ANO2: variants seen among roughly 807,000 people sequenced by gnomAD.
ANO2 encodes the protein anoctamin 2, also known as anoctamin-2.
In ANO2, 101 loss-of-function variants were observed where a neutral mutation model predicts 124.2. The ratio of observed to expected loss-of-function variants is 0.81; its 90% CI spans 0.69 to 0.96. ANO2 has a LOEUF of 0.96. Among genes scored for constraint, ANO2 ranks in the 40% least tolerant of loss-of-function variants. The probability of loss-of-function intolerance (pLI) is 0.00; values close to 1 mark genes in which losing one functional copy is unlikely to be tolerated. For missense variants in ANO2, 1,293 were observed against 1,274.5 expected (o/e 1.01, Z -0.22); for synonymous variants, 486 against 482.5 (o/e 1.01, Z -0.09).
chr12:5,604,439 G>C (rs1290751352), intron 19 of ANO2, among the ~76,000 whole-genome samples: 5 of 152,204 alleles, frequency 3.3e-5, no homozygotes, highest in African/African-American at 1.2e-4. Flanking sequence ...CGTGGAAAGA[G>C]CGGCGGAAGC....
chr12:5,794,522 C>A (rs527292398), intron 10 of ANO2, among the ~76,000 whole-genome samples: 1 of 152,344 alleles, frequency 6.6e-6, no homozygotes, highest in East Asian at 1.9e-4. Flanking sequence ...ACTCTTTCAC[C>A]TCAGTCGTCC....
chr12:5,627,423 C>T (rs11063781), intron 16 of ANO2, among the ~76,000 whole-genome samples: 70,342 of 152,010 alleles, frequency 0.46, 16,918 homozygotes, highest in Admixed American at 0.53. Context: ...GTGGCGTCCC[C>T]GCAGAGAGGC....
intron 16 of ANO2, among the ~76,000 whole-genome samples, chr12:5,617,513 C>T (rs1944885908): frequency 6.8e-6 from 1 of 148,120 alleles, no homozygotes; most frequent in African/African-American, 2.5e-5. Flanking sequence ...CACTGTATCA[C>T]AACCTCAAGA....
rs1328669642 is a variant in ANO2, at chr12:5,904,592, C to T, written c.534+16448G>A. Among the ~76,000 whole-genome samples, 1 of 152,208 alleles carries T rather than the reference C, an allele frequency of 6.6e-6. No individual in the cohort carries two copies. Among genetic ancestry groups the T allele is most frequent in the African/African-American group, 2.4e-5 (1 of 41,446 alleles). On this transcript the variant is annotated intron_variant, in intron 3 of 24. Coordinates refer to ENST00000682330, the MANE Select transcript of ANO2 (RefSeq NM_001364791.2). The surrounding 1 kb of genome is among the most constrained non-coding windows in gnomAD (Gnocchi z 4.1). ...AGCTGACACTCCACATCGTCCTGTC[C>T]TCCCTGCCAGAGCCCCAGGTGACCC... is the stretch of plus-strand genomic sequence containing the variant.
chr12:5,610,200 TA>T (rs1225167546), intron 19 of ANO2, among the ~76,000 whole-genome samples: 110 of 129,758 alleles, frequency 8.5e-4, no homozygotes, highest in African/African-American at 3.1e-3. Flanking sequence ...AATATATACT[TA>T]TATAAATACT....
At chr12:5,772,931 G>A (rs1452916090) in intron 10 of ANO2, among the ~76,000 whole-genome samples, 1 of 152,240 alleles carries the variant, frequency 6.6e-6, no homozygotes, top group African/African-American at 2.4e-5. Context: ...TGACCCATTC[G>A]CTGCCTTGCT....
chr12:5,850,990 C>T (rs1170776898), intron 4 of ANO2, among the ~76,000 whole-genome samples: 2 of 152,174 alleles, frequency 1.3e-5, no homozygotes, highest in Non-Finnish European at 2.9e-5. Context: ...GCAACTGAGG[C>T]TCTGAGAGAT....
At chr12:5,617,840 G>T (rs570102753) in intron 16 of ANO2, among the ~76,000 whole-genome samples, 1 of 152,094 alleles carries the variant, frequency 6.6e-6, no homozygotes, top group Non-Finnish European at 1.5e-5. Context: ...GTTTTCTTCC[G>T]TTATGCTTTA....
chr12:5,896,757 A>C (rs1304799725), intron 3 of ANO2, among the ~76,000 whole-genome samples: 1 of 152,220 alleles, frequency 6.6e-6, no homozygotes, highest in Admixed American at 6.5e-5. Context: ...AAAGAAATTA[A>C]ATATTTTATT....
chr12:5,904,226 C>T lies in ANO2; in HGVS notation c.534+16814G>A, dbSNP rs1940520131. On this transcript the variant is annotated intron_variant, in intron 3 of 24. Transcript: ENST00000682330. The surrounding 1 kb of genome is among the most constrained non-coding windows in gnomAD (Gnocchi z 4.1). ...GTAGTAAAGAAGGGGGGACTCCCAT[C>T]TGGGACCATGGTCCTTGAAAAAGGA... 6.6e-6 allele frequency among the ~76,000 whole-genome samples: 1 copy of T among 152,198 alleles called. No homozygotes were observed. Among genetic ancestry groups the T allele is most frequent in the East Asian group, 1.9e-4 (1 of 5,194 alleles).
chr12:5,626,466 C>T (rs868472028), intron 16 of ANO2, among the ~76,000 whole-genome samples: 5 of 152,138 alleles, frequency 3.3e-5, no homozygotes, highest in African/African-American at 4.8e-5. Flanking sequence ...CCACCTCAGC[C>T]GCAGTCCAGC....
chr12:5,886,005 G>A (rs1213065558), intron 3 of ANO2, among the ~76,000 whole-genome samples: 2 of 152,134 alleles, frequency 1.3e-5, no homozygotes, highest in East Asian at 1.9e-4. Flanking sequence ...GGAGGTGTCC[G>A]GAGTAGGCCA....
chr12:5,598,105 A>G (rs191659073), intron 20 of ANO2, among the ~76,000 whole-genome samples: 65 of 152,308 alleles, frequency 4.3e-4, no homozygotes, highest in African/African-American at 1.5e-3. Flanking sequence ...TAACAAACAC[A>G]TGCAATTTCC....
chr12:5,895,640 G>A (rs1348267342), intron 3 of ANO2, among the ~76,000 whole-genome samples: 1 of 152,100 alleles, frequency 6.6e-6, no homozygotes, highest in Non-Finnish European at 1.5e-5. Context: ...AACAATAGAT[G>A]TCAGCATGGA....
At chr12:5,881,994 G>T (rs1938533789) in intron 3 of ANO2, among the ~76,000 whole-genome samples, 1 of 152,206 alleles carries the variant, frequency 6.6e-6, no homozygotes, top group Admixed American at 6.5e-5. Context: ...AGAGATGAGT[G>T]GGTGGGTGGC....
At chr12:5,873,933 C>T (rs1202939630) in intron 3 of ANO2, among the ~76,000 whole-genome samples, 1 of 152,196 alleles carries the variant, frequency 6.6e-6, no homozygotes, top group Admixed American at 6.5e-5. Flanking sequence ...AGCTGATGTA[C>T]CCCAACCCAA....
chr12:5,814,476 C>T (rs117357515), intron 7 of ANO2, among the ~76,000 whole-genome samples: 232 of 152,330 alleles, frequency 1.5e-3, no homozygotes, highest in African/African-American at 5.0e-3. Context: ...AGACCTTCTC[C>T]GACTACTCTA....
At chr12:5,713,069 T>C (rs968014719) in intron 14 of ANO2, among the ~76,000 whole-genome samples, 11 of 152,128 alleles carry the variant, frequency 7.2e-5, no homozygotes, top group African/African-American at 2.7e-4. Context: ...GTGTGGAGAA[T>C]GGACTGGAAG....
intron 14 of ANO2, among the ~76,000 whole-genome samples, chr12:5,707,387 C>T (rs7309457): frequency 0.88 from 133,918 of 152,242 alleles, 59,011 homozygotes; most frequent in East Asian, 0.95. Flanking sequence ...TAATACAATA[C>T]AGCTTTTCAA....
Sources: gnomAD v4.1 joint callset for allele counts (sites outside exome capture counted in the v4.1 genomes callset) on GRCh38, gnomAD v4.1.1 for gene constraint, Gnocchi (gnomAD v3.1) non-coding constraint, MANE v1.5 for transcripts, NCBI Gene and HGNC (gene_info 2026-07-23, HGNC 2026-07-21) for gene names.